CISH: variants seen among roughly 807,000 people sequenced by gnomAD.
CISH encodes the protein cytokine inducible SH2 containing protein, also known as cytokine-inducible SH2-containing protein.
In CISH, 11 loss-of-function variants were observed where a neutral mutation model predicts 21.3. That is an observed-to-expected ratio of 0.52 (90% CI 0.32 to 0.85). The LOEUF (loss-of-function observed/expected upper bound fraction) is 0.85, where lower values mean the gene tolerates loss of function less well. CISH is among the 40% of genes least tolerant of loss of function. CISH has a pLI of 0.03. For missense variants in CISH, 280 were observed against 351.7 expected, an observed-to-expected ratio of 0.80 and a Z score of 1.63; for synonymous variants, 118 against 142.3, an observed-to-expected ratio of 0.83 and a Z score of 1.22.
chr3:50,610,484 T>C (rs766958581), intron 1 of CISH: 1 of 1,551,272 alleles, frequency 6.4e-7, no homozygotes, highest in Non-Finnish European at 8.7e-7. Context: ...AAAACTTTGT[T>C]CCCTGACACC....
In CISH at chr3:50,611,757, G is replaced by A. The variant is rs2032334711; in HGVS notation, c.-107C>T. On this transcript the variant is annotated 5_prime_UTR_variant, in exon 1 of 3. Transcript: ENST00000348721. ...TGCTGGGTAGGCTCCCGGGGCGCGC[G>A]GGCGCAGGACAGGGACTGAGAGGCA... The A allele has an allele frequency of 2.2e-6, 3 of 1,372,796 alleles. No homozygotes were observed. Among genetic ancestry groups the A allele is most frequent in the Non-Finnish European group, 2.8e-6 (3 of 1,061,588 alleles). The allele number at this position is 1,372,796 out of a possible 1,614,324, so 85.0% of individuals were successfully genotyped here. A position where few individuals can be genotyped will look rare whatever the true frequency, so the allele number is the denominator to read the frequency against.
At position 50,607,069 on chromosome 3, in the gene CISH, T is replaced by G; in HGVS notation, c.*538A>C. 1 of 154,246 alleles carries G rather than the reference T, an allele frequency of 6.5e-6. No individual in the cohort carries two copies. Among genetic ancestry groups the G allele is most frequent in the Non-Finnish European group, 1.4e-5 (1 of 69,266 alleles). The allele number at this position is 154,246 out of a possible 1,614,324, so 9.6% of individuals were successfully genotyped here. A position where few individuals can be genotyped will look rare whatever the true frequency, so the allele number is the denominator to read the frequency against. On this transcript the variant is annotated 3_prime_UTR_variant, in exon 3 of 3. Transcript: ENST00000348721. ...CAGGGCTCAGGGCATAGAGGTGGGG[T>G]TGGCTCGCCCCTGACACCAACCCCA...
Position 50,607,178 on chromosome 3 carries a change from C to T in CISH, c.*429G>A, listed in dbSNP as rs1227069919. 6 of 205,636 alleles carry T rather than the reference C, an allele frequency of 2.9e-5. No individual in the cohort carries two copies. The highest frequency in any genetic ancestry group is 5.0e-5 in the Non-Finnish European group (5 of 99,874). 12.7% of individuals were successfully genotyped at this position (205,636 alleles called of 1,614,324 possible). A position where few individuals can be genotyped will look rare whatever the true frequency, so the allele number is the denominator to read the frequency against. ...TCAACAAGGGGTCACTAGTCACTGT[C>T]GATCTCAGTTCCTCTGCATGTCATC... On this transcript the variant is annotated 3_prime_UTR_variant, in exon 3 of 3. Coordinates refer to ENST00000348721, the MANE Select transcript of CISH (RefSeq NM_145071.4).
chr3:50,610,383 G>A (rs1193351558), intron 1 of CISH: 2 of 1,551,554 alleles, frequency 1.3e-6, no homozygotes, highest in Admixed American at 2.0e-5. Flanking sequence ...CTGGGCAGGG[G>A]TGTGTCCATG....
chr3:50,609,912 C>T (rs1872184), intron 1 of CISH: 11,706 of 160,876 alleles, frequency 0.073, 1,170 homozygotes, highest in East Asian at 0.33. Flanking sequence ...CATGGGCAAA[C>T]AGCGCCAGTA....
At chr3:50,608,935 T>A in intron 1 of CISH, 1 of 247,834 alleles carries the variant, frequency 4.0e-6, no homozygotes, top group Non-Finnish European at 7.7e-6. Flanking sequence ...ACCACACTGA[T>A]AGGATTCAGT....
chr3:50,608,382 G>A lies in CISH; in HGVS notation c.232C>T (p.Arg78Trp), dbSNP rs141046429. Residue 78 changes from arginine (R) to tryptophan (W), a missense_variant, in exon 2 of 3, where the codon CGG becomes TGG. By Grantham distance (101) the Arg-to-Trp change is moderately radical (BLOSUM62 -3). Coordinates refer to ENST00000348721, the MANE Select transcript of CISH (RefSeq NM_145071.4). ...LCIAKTFSYL[R>W]ESGWYWGSIT... ...CCCCCCTCAGACTCACCAGATTCCC[G>A]AAGGTAGGAGAAGGTCTTGGCTATG... The A allele has an allele frequency of 1.0e-5, 16 of 1,600,684 alleles. No individual in the cohort carries two copies. The highest frequency in any genetic ancestry group is 5.4e-5 in the African/African-American group (4 of 74,412).
intron 1 of CISH, chr3:50,610,520 G>T: frequency 2.6e-6 from 4 of 1,547,892 alleles, no homozygotes; most frequent in African/African-American, 1.4e-5. Flanking sequence ...GCTTACAAGG[G>T]GGTGCTCACC....
chr3:50,609,443 TC>T (rs1323199328), intron 1 of CISH: 3 of 152,136 alleles, frequency 2.0e-5, no homozygotes, highest in African/African-American at 4.8e-5. Context: ...CAATAAAGGG[TC>T]CCACCAACCC....
rs1485137848 is a variant in CISH at position 50,607,485 on chromosome 3, C to T, written c.*122G>A. 3 of 1,048,732 alleles carry T rather than the reference C, an allele frequency of 2.9e-6. No individual in the cohort carries two copies. The highest frequency in any genetic ancestry group is 1.6e-5 in the South Asian group (1 of 61,886). 65.0% of individuals were successfully genotyped at this position (1,048,732 alleles called of 1,614,324 possible). ...CTCTTGCTGGCTCTTCCTGGGCCAG[C>T]TGCCAGAGGTATGCAGGCACCAGGA... On this transcript the variant is annotated 3_prime_UTR_variant, in exon 3 of 3. Transcript: ENST00000348721.
rs923598427 is a variant in CISH, at chr3:50,608,495, C to T, written c.119G>A (p.Gly40Glu). The T allele has an allele frequency of 1.9e-6, 3 of 1,612,644 alleles. No homozygotes were observed. The highest frequency in any genetic ancestry group is 4.5e-5 in the East Asian group (2 of 44,882). The change falls in exon 2 of 3, where the codon GGG becomes GAG. Residue 40 changes from glycine to glutamate, a missense_variant. Transcript: ENST00000348721. ...PKPVMQPLPA[G>E]AFLEEVAEGT... ...CTCTGCCACCTCCTCGAGGAAGGCC[C>T]CAGCAGGCAAGGGCTGCATGACTGG...
chr3:50,610,858 A>G (rs1195258024), intron 1 of CISH: 5 of 1,061,828 alleles, frequency 4.7e-6, no homozygotes, highest in Non-Finnish European at 5.7e-6. Flanking sequence ...GGCCAGCATC[A>G]GACCCTTTGG....
chr3:50,608,962 T>C (rs1559478594), intron 1 of CISH: 1 of 208,998 alleles, frequency 4.8e-6, no homozygotes, highest in East Asian at 1.0e-4. Flanking sequence ...TAGCTTCATG[T>C]TTGTGCCCTC....
chr3:50,610,525 C>T (rs2032292971), intron 1 of CISH: 1 of 1,546,042 alleles, frequency 6.5e-7, no homozygotes, highest in African/African-American at 1.4e-5. Flanking sequence ...CAAGGGGGTG[C>T]TCACCTAGGG....
At position 50,608,589 on chromosome 3, in the gene CISH, G is replaced by A. The variant is rs371618307; in HGVS notation, c.25C>T (p.Arg9Cys). The A allele has an allele frequency of 1.6e-5, 25 of 1,521,344 alleles. 1 individual carries two copies. Among genetic ancestry groups the A allele is most frequent in the Non-Finnish European group, 1.5e-5 (17 of 1,139,214 alleles). The allele number at this position is 1,521,344 out of a possible 1,614,324, so 94.2% of individuals were successfully genotyped here. MVLCVQGP[R>C]PLLAVERTGQ... ...GTCCGCTCCACAGCCAGCAAAGGACGAGGTCTAGAAGGCAGTGGATGAGCA... is the reference window on the plus strand; with the variant it reads ...GTCCGCTCCACAGCCAGCAAAGGACAAGGTCTAGAAGGCAGTGGATGAGCA... The change falls in exon 2 of 3, where the codon CGT (arginine) becomes TGT (cysteine). Residue 9 changes from arginine to cysteine, a missense_variant. Coordinates refer to ENST00000348721, the MANE Select transcript of CISH (RefSeq NM_145071.4).
At chr3:50,608,890 A>G in intron 1 of CISH, 1 of 351,744 alleles carries the variant, frequency 2.8e-6, no homozygotes, top group South Asian at 1.1e-4. Context: ...AACCAAAAAC[A>G]CAGATCATTC....
chr3:50,611,521 G>C, intron 1 of CISH, 110 bp downstream of exon 1: 1 of 1,502,328 alleles, frequency 6.7e-7, no homozygotes. Flanking sequence ...TCTGCGCTCA[G>C]TCACCTCTGG....
rs1037297208 is a variant in CISH, at chr3:50,611,369, C to G, written c.20+262G>C. The G allele has an allele frequency of 2.2e-6, 3 of 1,351,138 alleles. 1 individual carries two copies. In the Middle Eastern group the frequency reaches 6.7e-4, roughly 303 times the overall value. The allele number at this position is 1,351,138 out of a possible 1,614,324, so 83.7% of individuals were successfully genotyped here. On this transcript the variant is annotated intron_variant, in intron 1 of 2. Transcript: ENST00000348721. ...AGCATCCATCTGCTCCAATGAGAAC[C>G]CAGGCTGAGCCCACCCTGTGAGTTC...
In CISH at chr3:50,611,689, C is replaced by T. The variant is rs954130659; in HGVS notation, c.-39G>A. 8.3e-5 allele frequency: 122 copies of T among 1,461,788 alleles called. No individual in the cohort carries two copies. The highest frequency in any genetic ancestry group is 1.1e-4 in the Non-Finnish European group (117 of 1,107,804). 90.6% of individuals were successfully genotyped at this position (1,461,788 alleles called of 1,614,324 possible). On this transcript the variant is annotated 5_prime_UTR_variant, in exon 1 of 3. Transcript: ENST00000348721. ...CGGCGACTCCGGAGTGGGGACTCGG[C>T]TGGACGGCGGCGGCTGGAGGGAACC... is the stretch of plus-strand genomic sequence containing the variant.
Sources: gnomAD v4.1 joint callset for allele counts on GRCh38, gnomAD v4.1.1 for gene constraint, MANE v1.5 for transcripts, NCBI Gene and HGNC (gene_info 2026-07-23, HGNC 2026-07-21) for gene names.